The following ASTN1 variants were observed in gnomAD, a reference collection of about 807,000 sequenced individuals.
ASTN1 encodes astrotactin 1, also known as astrotactin-1.
In ASTN1, 41 loss-of-function variants were observed where a neutral mutation model predicts 140.7. That is an observed-to-expected ratio of 0.29 (90% confidence interval 0.23 to 0.38). The LOEUF is 0.38. Ranked by LOEUF, ASTN1 falls within the 10% of genes least tolerant of loss-of-function variation. The pLI is 1.00. For synonymous variants in ASTN1, 640 were observed against 652.2 expected (o/e 0.98, Z 0.29); for missense variants, 1,479 against 1,678.8 (o/e 0.88, Z 2.08).
intron 2 of ASTN1, among the ~76,000 whole-genome samples, chr1:177,040,253 T>C (rs1042008393): frequency 1.3e-4 from 20 of 152,346 alleles, no homozygotes; most frequent in African/African-American, 4.6e-4. Context: ...CTGAAGTCTT[T>C]AATCGTGTGG....
At position 177,118,758 on chromosome 1, in the gene ASTN1, G is replaced by A. The variant is rs537782928; in HGVS notation, c.283+45636C>T. ...TACATGTGTATATAATGTTAGAAAT[G>A]CAGGTATATAGGTAAATGCCCCAGG... On this transcript the variant is annotated intron_variant, in intron 1 of 22. Coordinates refer to ENST00000361833, the MANE Select transcript of ASTN1 (RefSeq NM_004319.3). 2.0e-5 allele frequency among the ~76,000 whole-genome samples: 3 copies of A among 152,256 alleles called. No individual in the cohort carries two copies. In the South Asian group the frequency reaches 6.2e-4, roughly 32 times the overall value.
chr1:176,936,197 G>A (rs1268018005), intron 15 of ASTN1, 69 bp downstream of exon 15: 1 of 1,396,224 alleles, frequency 7.2e-7, no homozygotes, highest in Non-Finnish European at 1.0e-6. Context: ...GGGACCAAAG[G>A]CTTCTCCCCT....
chr1:176,935,938 T>A (rs1186922359), intron 15 of ASTN1: 5 of 381,962 alleles, frequency 1.3e-5, no homozygotes, highest in Non-Finnish European at 2.0e-5. Context: ...AATGCTTAAT[T>A]CTCTCAATTT....
intron 8 of ASTN1, among the ~76,000 whole-genome samples, chr1:176,974,504 G>T (rs1673280487): frequency 6.6e-6 from 1 of 151,608 alleles, no homozygotes. Flanking sequence ...TCCTGCCTCA[G>T]CCTCCCAAGT....
intron 8 of ASTN1, among the ~76,000 whole-genome samples, chr1:176,984,270 T>G (rs960278268): frequency 5.9e-5 from 9 of 152,322 alleles, no homozygotes; most frequent in African/African-American, 2.2e-4. Context: ...GAATGGAGTG[T>G]TGGAAAGTGC....
chr1:177,122,742 C>T (rs570250832), intron 1 of ASTN1, among the ~76,000 whole-genome samples: 1 of 152,146 alleles, frequency 6.6e-6, no homozygotes, highest in African/African-American at 2.4e-5. Flanking sequence ...AGACACACGG[C>T]CTTCCTGCAA....
intron 11 of ASTN1, among the ~76,000 whole-genome samples, chr1:176,957,291 GT>G (rs935985455): frequency 1.5e-4 from 22 of 149,476 alleles, no homozygotes; most frequent in African/African-American, 4.4e-4. Flanking sequence ...AGGGGACAAA[GT>G]TTTTTTTTTA....
intron 14 of ASTN1, among the ~76,000 whole-genome samples, chr1:176,941,567 A>C (rs1157016845): frequency 6.6e-6 from 1 of 152,206 alleles, no homozygotes; most frequent in Non-Finnish European, 1.5e-5. Flanking sequence ...TCTATCGTGA[A>C]TGAGCACCAG....
intron 1 of ASTN1, among the ~76,000 whole-genome samples, chr1:177,116,517 C>T (rs227528): frequency 0.014 from 2,197 of 152,260 alleles, 65 homozygotes; most frequent in African/African-American, 0.05. Context: ...TGTCTTTCAT[C>T]AACTCTGATT....
chr1:177,059,619 C>A (rs1463474303), intron 2 of ASTN1, among the ~76,000 whole-genome samples: 3 of 152,152 alleles, frequency 2.0e-5, no homozygotes, highest in Non-Finnish European at 2.9e-5. Context: ...TGCAGGTAAC[C>A]TATCAAGCCA....
intron 10 of ASTN1, 142 bp downstream of exon 10, chr1:176,958,203 A>G: frequency 7.8e-7 from 1 of 1,284,892 alleles, no homozygotes. Context: ...CCCTGGCACA[A>G]CATAGGGGGA....
intron 1 of ASTN1, among the ~76,000 whole-genome samples, chr1:177,158,085 G>A (rs1315217418): frequency 6.6e-6 from 1 of 152,148 alleles, no homozygotes; most frequent in East Asian, 1.9e-4. Flanking sequence ...GTAATGAAAA[G>A]CTAGAAGTGG....
Position 176,862,377 on chromosome 1 carries a change from G to A in ASTN1, c.*1907C>T. 1.0e-6 allele frequency: 1 copy of A among 985,516 alleles called. No individual in the cohort carries two copies. The highest frequency in any genetic ancestry group is 1.7e-5 in the African/African-American group (1 of 57,376). 61.0% of individuals were successfully genotyped at this position (985,516 alleles called of 1,614,324 possible). A position where few individuals can be genotyped will look rare whatever the true frequency, so the allele number is the denominator to read the frequency against. On this transcript the variant is annotated 3_prime_UTR_variant, in exon 23 of 23. Transcript: ENST00000361833. ...AGGGTGGGGAGGAGGGCCATGTGCA[G>A]TGGAACTAGGGGTCCCAAGGGTGCT...
chr1:176,866,756 C>T (rs2103009980), intron 22 of ASTN1, among the ~76,000 whole-genome samples: 1 of 152,216 alleles, frequency 6.6e-6, no homozygotes, highest in East Asian at 1.9e-4. Flanking sequence ...ATTTTCAACC[C>T]TCAGCTCAAT....
intron 2 of ASTN1, among the ~76,000 whole-genome samples, chr1:177,052,268 C>T (rs1466912985): frequency 1.3e-5 from 2 of 152,132 alleles, no homozygotes; most frequent in Non-Finnish European, 2.9e-5. Context: ...CCCTGGGTCA[C>T]ACATTGTATG....
intron 1 of ASTN1, among the ~76,000 whole-genome samples, chr1:177,118,369 A>G (rs1681201049): frequency 6.6e-6 from 1 of 152,196 alleles, no homozygotes; most frequent in African/African-American, 2.4e-5. Flanking sequence ...CAGAGTGTTC[A>G]TGGGATGACT....
chr1:176,893,234 G>A (rs1227813725), intron 17 of ASTN1, among the ~76,000 whole-genome samples: 1 of 152,146 alleles, frequency 6.6e-6, no homozygotes, highest in Non-Finnish European at 1.5e-5. Flanking sequence ...AAGTGGCCCG[G>A]GAGCTCTTAG....
At position 176,864,298 on chromosome 1, in the gene ASTN1, TGTCCCCATAGTC is replaced by T. The variant is rs774677567; in HGVS notation, c.3859_3870del (p.Asp1287_Asp1290del). 6.2e-7 allele frequency: 1 copy of T among 1,614,078 alleles called. No individual in the cohort carries two copies. Among genetic ancestry groups the T allele is most frequent in the Non-Finnish European group, 8.5e-7 (1 of 1,179,992 alleles). On this transcript the variant is annotated inframe_deletion, in exon 23 of 23. Transcript: ENST00000361833. Reference sequence around the variant, plus strand: ...GCCTTATGGTGCTAGATCTCTTTGCTGTCCCCATAGTCGTTGTAGGGGATACTCAGGGTCTGC... The same window carrying T: ...GCCTTATGGTGCTAGATCTCTTTGCTGTTGTAGGGGATACTCAGGGTCTGC...
chr1:176,952,286 C>T (rs1296123086), intron 11 of ASTN1, among the ~76,000 whole-genome samples: 2 of 152,024 alleles, frequency 1.3e-5, no homozygotes, highest in South Asian at 4.2e-4. Flanking sequence ...CACACACACA[C>T]ACACACGCAC....
Sources: gnomAD v4.1 joint callset for allele counts (sites outside exome capture counted in the v4.1 genomes callset) on GRCh38, gnomAD v4.1.1 for gene constraint, MANE v1.5 for transcripts, NCBI Gene and HGNC (gene_info 2026-07-23, HGNC 2026-07-21) for gene names.